INSR: variants seen among roughly 807,000 people sequenced by gnomAD.
INSR encodes the protein insulin receptor, also known as IR.
In INSR, 67 loss-of-function variants were observed where a neutral mutation model predicts 142.6. The observed-to-expected ratio is 0.47, with a 90% CI of 0.39 to 0.58. The LOEUF (loss-of-function observed/expected upper bound fraction) is 0.58. Among genes scored for constraint, INSR ranks in the 20% least tolerant of loss-of-function variants. INSR has a pLI of 0.00. For synonymous variants in INSR, 756 were observed against 743.1 expected (o/e 1.02, Z -0.28); for missense variants, 1,248 against 1,833.2 (o/e 0.68, Z 5.83).
intron 1 of INSR, among the ~76,000 whole-genome samples, chr19:7,276,525 C>T (rs1968067861): frequency 6.6e-6 from 1 of 152,042 alleles, no homozygotes; most frequent in South Asian, 2.1e-4. Context: ...AGTCCTCAAA[C>T]TGCTTCCTCT....
At position 7,113,621 on chromosome 19, in the gene INSR, A is replaced by C. The variant is rs544339345; in HGVS notation, c.*3435T>G. ...GACATCTTTAAGAACAAGCAACAAA[A>C]AGTGTTATCCTAAGCTGGTTTTGTT... On this transcript the variant is annotated 3_prime_UTR_variant, in exon 22 of 22. Coordinates refer to ENST00000302850, the MANE Select transcript of INSR (RefSeq NM_000208.4). 6.6e-6 allele frequency: 1 copy of C among 152,272 alleles called. No individual in the cohort carries two copies. Among genetic ancestry groups the C allele is most frequent in the Admixed American group, 6.5e-5 (1 of 15,292 alleles). The allele number at this position is 152,272 out of a possible 1,614,324, so 9.4% of individuals were successfully genotyped here.
intron 2 of INSR, among the ~76,000 whole-genome samples, chr19:7,245,789 T>TA (rs1196671004): frequency 6.6e-6 from 1 of 151,844 alleles, no homozygotes; most frequent in Non-Finnish European, 1.5e-5. Context: ...AAAACAAAAC[T>TA]AAAAAAACAC....
intron 3 of INSR, among the ~76,000 whole-genome samples, chr19:7,181,862 T>A (rs1974283540): frequency 6.6e-6 from 1 of 151,288 alleles, no homozygotes; most frequent in Admixed American, 6.6e-5. Context: ...ATTACAGGCA[T>A]AAGCCACTGT....
At chr19:7,246,688 G>A (rs1221425499) in intron 2 of INSR, among the ~76,000 whole-genome samples, 1 of 152,190 alleles carries the variant, frequency 6.6e-6, no homozygotes, top group Non-Finnish European at 1.5e-5. Flanking sequence ...CAAGTTCCCA[G>A]TTTTATGTTT....
At chr19:7,180,988 T>A (rs1048218631) in intron 3 of INSR, among the ~76,000 whole-genome samples, 1 of 152,070 alleles carries the variant, frequency 6.6e-6, no homozygotes, top group East Asian at 1.9e-4. Flanking sequence ...TCACCGAGAC[T>A]GCAGTGCAGT....
chr19:7,191,601 T>C (rs1438025188), intron 2 of INSR, among the ~76,000 whole-genome samples: 1 of 152,114 alleles, frequency 6.6e-6, no homozygotes, highest in Non-Finnish European at 1.5e-5. Flanking sequence ...CGGGAGGATC[T>C]CTTGAGTCCA....
At chr19:7,263,885 G>A (rs1051036345) in intron 2 of INSR, among the ~76,000 whole-genome samples, 1 of 151,926 alleles carries the variant, frequency 6.6e-6, no homozygotes, top group Non-Finnish European at 1.5e-5. Flanking sequence ...TTAGCTAGGT[G>A]TTGGCCAGGC....
chr19:7,148,639 G>C (rs900015383), intron 11 of INSR, among the ~76,000 whole-genome samples: 1 of 150,756 alleles, frequency 6.6e-6, no homozygotes. Context: ...CACCATGCCC[G>C]GCTAATTTTT....
At chr19:7,271,143 A>T (rs761405283) in intron 1 of INSR, among the ~76,000 whole-genome samples, 2 of 152,152 alleles carry the variant, frequency 1.3e-5, no homozygotes, top group Non-Finnish European at 2.9e-5. Flanking sequence ...GTGAGATACC[A>T]CTTTATCCCC....
At chr19:7,254,831 C>T (rs1294208462) in intron 2 of INSR, among the ~76,000 whole-genome samples, 2 of 152,048 alleles carry the variant, frequency 1.3e-5, no homozygotes, top group South Asian at 4.1e-4. Flanking sequence ...GGGAAGTAAC[C>T]GGTCAGTGAG....
At position 7,166,458 on chromosome 19, in the gene INSR, G is replaced by T; in HGVS notation, c.1611-54C>A. On this transcript the variant is annotated intron_variant, in intron 7 of 21. Coordinates refer to ENST00000302850, the MANE Select transcript of INSR (RefSeq NM_000208.4). This position sits in a 1 kb window ranked among gnomAD's most constrained non-coding sequence, Gnocchi z 4.1. ...TACCCTTACAAGACCGTCACACTGA[G>T]TGCCGTGCAGATGAGGCCTGGGAAG... 1.3e-6 allele frequency: 2 copies of T among 1,598,534 alleles called. No individual in the cohort carries two copies. The highest frequency in any genetic ancestry group is 8.5e-7 in the Non-Finnish European group (1 of 1,172,878).
chr19:7,182,098 G>A (rs1974288913), intron 3 of INSR, among the ~76,000 whole-genome samples: 3 of 151,930 alleles, frequency 2.0e-5, no homozygotes, highest in Middle Eastern at 3.4e-3. Context: ...TTGGGAGGCC[G>A]AGGTGGGTGG....
In INSR at chr19:7,192,396, C is replaced by T. The variant is rs997935253; in HGVS notation, c.653-7759G>A. On this transcript the variant is annotated intron_variant, in intron 2 of 21. Transcript: ENST00000302850. The surrounding 1 kb of genome is among the most constrained non-coding windows in gnomAD (Gnocchi z 4.2). ...AGCAGCTTCTTCTGGTGAGAGAGAC[C>T]GCAAAGTGAAGACATTATGAAAGCC... 2.6e-5 allele frequency among the ~76,000 whole-genome samples: 4 copies of T among 151,958 alleles called. No homozygotes were observed. Among genetic ancestry groups the T allele is most frequent in the Admixed American group, 6.6e-5 (1 of 15,232 alleles).
chr19:7,209,936 A>G (rs1975223704), intron 2 of INSR, among the ~76,000 whole-genome samples: 1 of 152,170 alleles, frequency 6.6e-6, no homozygotes, highest in Admixed American at 6.6e-5. Flanking sequence ...TTCTGTTTAT[A>G]CTAACAAAGG....
chr19:7,181,020 G>A (rs12973853), intron 3 of INSR, among the ~76,000 whole-genome samples: 3 of 151,228 alleles, frequency 2.0e-5, no homozygotes, highest in African/African-American at 4.9e-5. Flanking sequence ...GGCTCACTGC[G>A]ACCTCCACCT....
At chr19:7,177,378 G>C (rs1012450483) in intron 3 of INSR, among the ~76,000 whole-genome samples, 2 of 152,162 alleles carry the variant, frequency 1.3e-5, no homozygotes, top group African/African-American at 4.8e-5. Context: ...AACCAACAAA[G>C]AGGAAAATAA....
intron 2 of INSR, among the ~76,000 whole-genome samples, chr19:7,250,283 G>A (rs934963956): frequency 1.4e-5 from 2 of 143,564 alleles, no homozygotes; most frequent in South Asian, 2.3e-4. Context: ...GGGGAAGGAG[G>A]GGAGGAGAAG....
intron 2 of INSR, among the ~76,000 whole-genome samples, chr19:7,213,868 AATC>A (rs1232965854): frequency 2.0e-5 from 3 of 152,026 alleles, no homozygotes; most frequent in African/African-American, 7.2e-5. Flanking sequence ...GCACGCCTGC[AATC>A]TCAGCTACGC....
intron 11 of INSR, among the ~76,000 whole-genome samples, chr19:7,148,774 A>G (rs1973246507): frequency 7.0e-6 from 1 of 143,656 alleles, no homozygotes; most frequent in Non-Finnish European, 1.5e-5. Flanking sequence ...TACCAAGTCC[A>G]GCTGTGGCCC....
Sources: gnomAD v4.1 joint callset for allele counts (sites outside exome capture counted in the v4.1 genomes callset) on GRCh38, gnomAD v4.1.1 for gene constraint, Gnocchi (gnomAD v3.1) non-coding constraint, MANE v1.5 for transcripts, NCBI Gene and HGNC (gene_info 2026-07-23, HGNC 2026-07-21) for gene names.